Variants in WRN observed in about 807,000 individuals in gnomAD.
The protein encoded by WRN is WRN RecQ like helicase.
In WRN, 149 loss-of-function variants were observed where a neutral mutation model predicts 180.7. The ratio of observed to expected loss-of-function variants is 0.82; its 90% CI spans 0.72 to 0.94. The LOEUF (loss-of-function observed/expected upper bound fraction) is 0.94, where lower values mean the gene tolerates loss of function less well. Ranked by LOEUF, WRN falls within the 40% of genes least tolerant of loss-of-function variation. The probability of loss-of-function intolerance (pLI) is 0.00; values close to 1 mark genes in which losing one functional copy is unlikely to be tolerated. For synonymous variants in WRN, 548 were observed against 568.9 expected, an observed-to-expected ratio of 0.96 and a Z score of 0.52; for missense variants, 1,661 against 1,700.1, an observed-to-expected ratio of 0.98 and a Z score of 0.40.
At chr8:31,109,156 A>G (rs1801208286) in intron 18 of WRN, among the ~76,000 whole-genome samples, 1 of 152,214 alleles carries the variant, frequency 6.6e-6, no homozygotes, top group Non-Finnish European at 1.5e-5. Flanking sequence ...CCAGACAGCA[A>G]CATGCAAGAA....
intron 23 of WRN, among the ~76,000 whole-genome samples, chr8:31,125,971 AAT>A (rs55952524): frequency 0.012 from 1,713 of 145,594 alleles, 30 homozygotes; most frequent in African/African-American, 0.026. Context: ...CATCATCCTA[AAT>A]ATATATATAT....
Position 31,058,475 on chromosome 8 carries a change from G to T in WRN, c.28G>T (p.Ala10Ser), listed in dbSNP as rs888468405. The T allele has an allele frequency of 6.2e-7, 1 of 1,613,556 alleles. No homozygotes were observed. The highest frequency in any genetic ancestry group is 1.3e-5 in the African/African-American group (1 of 74,912). The change falls in exon 2 of 35, where the codon GCA becomes TCA. Residue 10 changes from alanine to serine, a missense_variant. By Grantham distance (99) the Ala-to-Ser change is moderately conservative (BLOSUM62 1). This residue lies in a region of WRN where 500 missense variants were observed against 504.1 expected (regional missense o/e 0.99). Transcript: ENST00000298139. MSEKKLETT[A>S]QQRKCPEWMN... ...GAGTGAAAAAAAATTGGAAACAACT[G>T]CACAGCAGCGGAAATGTCCTGAATG...
At chr8:31,076,845 A>C (rs1813112774) in intron 8 of WRN, among the ~76,000 whole-genome samples, 1 of 152,204 alleles carries the variant, frequency 6.6e-6, no homozygotes, top group Non-Finnish European at 1.5e-5. Flanking sequence ...AGGTAACTTA[A>C]AAAATTTGGA....
chr8:31,057,507 C>T (rs1812316497), intron 1 of WRN, among the ~76,000 whole-genome samples: 1 of 152,042 alleles, frequency 6.6e-6, no homozygotes, highest in African/African-American at 2.4e-5. Context: ...GGAGGCAGAT[C>T]TTGCAGAGAG....
intron 23 of WRN, among the ~76,000 whole-genome samples, chr8:31,131,984 C>T (rs1246235227): frequency 7.0e-6 from 1 of 142,214 alleles, no homozygotes; most frequent in Non-Finnish European, 1.5e-5. Flanking sequence ...TTTTGCAACA[C>T]ACCTTTAACA....
At chr8:31,120,142 G>A in intron 20 of WRN, 101 bp from the exon 21 acceptor site, 1 of 1,387,028 alleles carries the variant, frequency 7.2e-7, no homozygotes, top group South Asian at 1.2e-5. Context: ...TTGTGCCAGG[G>A]ACTTAAGTTA....
At chr8:31,099,085 A>G (rs1310989481) in intron 17 of WRN, among the ~76,000 whole-genome samples, 2 of 150,732 alleles carry the variant, frequency 1.3e-5, no homozygotes, top group Non-Finnish European at 3.0e-5. Flanking sequence ...AGAGAGAGAG[A>G]GAGAAGGAAG....
intron 30 of WRN, 58 bp downstream of exon 30, chr8:31,147,534 A>C: frequency 1.3e-6 from 2 of 1,499,140 alleles, no homozygotes; most frequent in Non-Finnish European, 1.8e-6. Flanking sequence ...AGATTTGGAA[A>C]ATATATCTAA....
chr8:31,111,627 G>A lies in WRN; in HGVS notation c.2101G>A (p.Ala701Thr). Residue 701 changes from alanine (A) to threonine (T), a missense_variant, in exon 19 of 35, where the codon GCA (alanine) becomes ACA (threonine). By Grantham distance (58) the Ala-to-Thr change is moderately conservative. This residue lies in a region of WRN where 1,141 missense variants were observed against 1,149.4 expected (regional missense o/e 0.99). Transcript: ENST00000298139. ...KTALPMVPIVALTATASSSIR... is the reference protein window; with the variant it reads ...KTALPMVPIVTLTATASSSIR... Reference sequence around the variant, plus strand: ...TTACATCATTCAGGTTCCAATCGTTGCACTTACTGCTACTGCAAGTTCTTC... The same window carrying A: ...TTACATCATTCAGGTTCCAATCGTTACACTTACTGCTACTGCAAGTTCTTC... 1 of 1,613,942 alleles carries A rather than the reference G, an allele frequency of 6.2e-7. No individual in the cohort carries two copies.
chr8:31,061,315 A>C (rs1352774612), intron 3 of WRN, among the ~76,000 whole-genome samples: 2 of 152,004 alleles, frequency 1.3e-5, no homozygotes, highest in Non-Finnish European at 2.9e-5. Context: ...GTTTATCTCT[A>C]GAAGTCCCAT....
chr8:31,172,605 A>G (rs1804145009), intron 34 of WRN, among the ~76,000 whole-genome samples: 1 of 152,234 alleles, frequency 6.6e-6, no homozygotes, highest in Admixed American at 6.5e-5. Flanking sequence ...CACATGCCTA[A>G]TATAACTCTT....
Position 31,147,357 on chromosome 8 carries a change from T to A in WRN, c.3460-7T>A, listed in dbSNP as rs1334937558. 4 of 1,613,494 alleles carry A rather than the reference T, an allele frequency of 2.5e-6. No homozygotes were observed. The East Asian group carries it at 8.9e-5, about 36-fold the overall frequency. On this transcript the variant is annotated splice_region_variant and splice_polypyrimidine_tract_variant and intron_variant, in intron 29 of 34. Transcript: ENST00000298139. ...TAAAAAGTGTTGTTTCTTTGTTTTT[T>A]GTTCAGATTGTGTTATATGGCAAAT... is the stretch of plus-strand genomic sequence containing the variant.
chr8:31,131,160 C>CTTTTTTTTTTTTTTTTTTTTTT (rs71206302), intron 23 of WRN, among the ~76,000 whole-genome samples: 1 of 106,840 alleles, frequency 9.4e-6, no homozygotes, highest in Non-Finnish European at 1.8e-5. Flanking sequence ...TTGCAACTTT[C>CTTTTTTTTTTTTTTTTTTTTTT]TTTTTTTTTG....
intron 33 of WRN, among the ~76,000 whole-genome samples, chr8:31,166,228 A>G (rs753569933): frequency 9.9e-5 from 15 of 152,106 alleles, no homozygotes; most frequent in Admixed American, 7.2e-4. Context: ...CAAATATTTG[A>G]TATGTTTTGT....
intron 17 of WRN, 35 bp downstream of exon 17, chr8:31,096,885 C>G (rs1349291128): frequency 6.4e-7 from 1 of 1,573,586 alleles, no homozygotes; most frequent in East Asian, 2.2e-5. Context: ...TAAATACTTA[C>G]TGAGTTAATA....
intron 33 of WRN, among the ~76,000 whole-genome samples, chr8:31,159,335 C>T (rs375591613): frequency 8.6e-4 from 130 of 150,882 alleles, no homozygotes; most frequent in South Asian, 3.1e-3. Flanking sequence ...TAACAGTAGA[C>T]GCTGGGGACT....
At chr8:31,034,748 G>A (rs1313276094) in intron 1 of WRN, among the ~76,000 whole-genome samples, 2 of 152,182 alleles carry the variant, frequency 1.3e-5, no homozygotes, top group East Asian at 1.9e-4. Flanking sequence ...GTTACAAGCA[G>A]GTTTTTAAAG....
At chr8:31,034,339 C>T (rs1811361766) in intron 1 of WRN, among the ~76,000 whole-genome samples, 1 of 152,184 alleles carries the variant, frequency 6.6e-6, no homozygotes, top group African/African-American at 2.4e-5. Context: ...TATGATTTAG[C>T]AAGTGATGAT....
At chr8:31,049,759 AG>A (rs1812016816) in intron 1 of WRN, among the ~76,000 whole-genome samples, 1 of 152,170 alleles carries the variant, frequency 6.6e-6, no homozygotes, top group African/African-American at 2.4e-5. Flanking sequence ...GACCTCTCTA[AG>A]GGGATCCCAG....
Sources: gnomAD v4.1 joint callset for allele counts (sites outside exome capture counted in the v4.1 genomes callset) on GRCh38, gnomAD v4.1.1 for gene constraint, gnomAD v4.1.1 regional missense constraint, MANE v1.5 for transcripts, NCBI Gene and HGNC (gene_info 2026-07-23, HGNC 2026-07-21) for gene names.